The following RUSF1 variants were observed in gnomAD, a reference collection of about 807,000 sequenced individuals.
RUSF1 encodes RUS family member 1.
In RUSF1, 58 loss-of-function variants were observed where a neutral mutation model predicts 63.0. The observed-to-expected ratio is 0.92, with a 90% CI of 0.75 to 1.15. The LOEUF is 1.15. Ranked by LOEUF, RUSF1 falls within the 50% of genes most tolerant of loss-of-function variation. RUSF1 has a pLI of 0.00. For missense variants in RUSF1, 652 were observed against 611.0 expected (o/e 1.07, Z -0.71); for synonymous variants, 274 against 255.8 (o/e 1.07, Z -0.68).
intron 2 of RUSF1, among the ~76,000 whole-genome samples, chr16:31,505,724 A>G (rs1034956364): frequency 1.3e-5 from 2 of 152,228 alleles, no homozygotes; most frequent in Admixed American, 6.5e-5. Flanking sequence ...GACTTCTAAG[A>G]TAGAAACCAC....
intron 2 of RUSF1, among the ~76,000 whole-genome samples, chr16:31,502,877 G>A (rs969559686): frequency 1.3e-5 from 2 of 152,244 alleles, no homozygotes; most frequent in Admixed American, 1.3e-4. Context: ...TGATCCACCC[G>A]CCTCGGCCTT....
chr16:31,491,062 A>ATAC, intron 12 of RUSF1, 130 bp from the exon 13 acceptor site: 3 of 792,906 alleles, frequency 3.8e-6, no homozygotes, highest in Non-Finnish European at 6.1e-6. Context: ...GCATAAAATG[A>ATAC]GGCTGAAACC....
chr16:31,493,448 G>A lies in RUSF1; in HGVS notation c.1016+19C>T, dbSNP rs1314249130. Reference sequence around the variant, plus strand: ...TGTGGGTGGCGGTGGTGACGAGCGGGAGACGCTAGGCCACTCACCTGGAGA... The same window carrying A: ...TGTGGGTGGCGGTGGTGACGAGCGGAAGACGCTAGGCCACTCACCTGGAGA... On this transcript the variant is annotated intron_variant, in intron 9 of 12. Coordinates refer to ENST00000327237, the MANE Select transcript of RUSF1 (RefSeq NM_022744.4). 2.5e-6 allele frequency: 4 copies of A among 1,586,322 alleles called. No individual in the cohort carries two copies. The highest frequency in any genetic ancestry group is 1.4e-5 in the African/African-American group (1 of 73,960).
Position 31,492,993 on chromosome 16 carries a change from A to C in RUSF1, c.1072T>G (p.Trp358Gly), listed in dbSNP as rs1190452278. 3 of 1,612,812 alleles carry C rather than the reference A, an allele frequency of 1.9e-6. No individual in the cohort carries two copies. The highest frequency in any genetic ancestry group is 1.7e-5 in the Admixed American group (1 of 59,972). The change falls in exon 10 of 13, where the codon TGG becomes GGG. Residue 358 changes from tryptophan to glycine, a missense_variant. Trp to Gly is a radical substitution (Grantham distance 184). Coordinates refer to ENST00000327237, the MANE Select transcript of RUSF1 (RefSeq NM_022744.4). ...GCACACTCACTTTGTGACTGGTCCC[A>C]GCAGAGGAGGTAGGATTCTTGGTGC... ...EGHQESYLLC[W>G]DQSQNQVQVV...
intron 11 of RUSF1, 51 bp downstream of exon 11, chr16:31,492,146 T>G (rs1379400754): frequency 6.2e-7 from 1 of 1,612,246 alleles, no homozygotes; most frequent in South Asian, 1.1e-5. Context: ...GAGTTTGTCC[T>G]CTCTCCTCCC....
chr16:31,501,338 G>C (rs2082631874), intron 2 of RUSF1, among the ~76,000 whole-genome samples: 1 of 152,072 alleles, frequency 6.6e-6, no homozygotes. Context: ...TATAATCCCA[G>C]CACTTTGGGA....
chr16:31,489,643 C>T lies in RUSF1; in HGVS notation c.*1192G>A, dbSNP rs2082542148. ...GGCACAATACCATCTTGAACGCCCACAAAAAGGTTTGGTTTTGTTGCCAAA... is the reference window on the plus strand; with the variant it reads ...GGCACAATACCATCTTGAACGCCCATAAAAAGGTTTGGTTTTGTTGCCAAA... On this transcript the variant is annotated 3_prime_UTR_variant, in exon 13 of 13. Coordinates refer to ENST00000327237, the MANE Select transcript of RUSF1 (RefSeq NM_022744.4). 5.6e-6 allele frequency: 3 copies of T among 532,944 alleles called. No homozygotes were observed. Among genetic ancestry groups the T allele is most frequent in the Admixed American group, 6.3e-5 (2 of 31,712 alleles). The allele number at this position is 532,944 out of a possible 1,614,324, so 33.0% of individuals were successfully genotyped here.
At position 31,507,976 on chromosome 16, in the gene RUSF1, A is replaced by AC. The variant is rs2082669894; in HGVS notation, c.300+97dup. 3.9e-6 allele frequency: 6 copies of AC among 1,534,940 alleles called. No homozygotes were observed. In the Admixed American group the frequency reaches 6.1e-5, roughly 16 times the overall value. On this transcript the variant is annotated intron_variant, in intron 1 of 12. Transcript: ENST00000327237. ...GTTCTTGGTGTATGAGGCATGTCAGACCCCCCGCCCCCCGGGCTCCGAGTC... is the reference window on the plus strand; with the variant it reads ...GTTCTTGGTGTATGAGGCATGTCAGACCCCCCCGCCCCCCGGGCTCCGAGTC...
chr16:31,505,201 G>C (rs2082652516), intron 2 of RUSF1, among the ~76,000 whole-genome samples: 1 of 152,208 alleles, frequency 6.6e-6, no homozygotes, highest in Non-Finnish European at 1.5e-5. Context: ...TCTGGGTGGA[G>C]AGAAGCATAA....
chr16:31,504,668 A>C (rs1306175082), intron 2 of RUSF1, among the ~76,000 whole-genome samples: 1 of 152,250 alleles, frequency 6.6e-6, no homozygotes, highest in African/African-American at 2.4e-5. Context: ...CAGTAGAAAC[A>C]GCCGATGGTG....
In RUSF1 at chr16:31,490,529, T is replaced by A; in HGVS notation, c.*306A>T. The A allele has an allele frequency of 6.2e-7, 1 of 1,610,598 alleles. No homozygotes were observed. The highest frequency in any genetic ancestry group is 1.1e-5 in the South Asian group (1 of 90,386). ...TGGCCGTGTTCCTCTGGGGCTTCTA[T>A]GCCTAAGACCAACTGCGTTGGACAC... is the stretch of plus-strand genomic sequence containing the variant. On this transcript the variant is annotated 3_prime_UTR_variant, in exon 13 of 13. Transcript: ENST00000327237.
At chr16:31,503,095 G>A (rs556397931) in intron 2 of RUSF1, among the ~76,000 whole-genome samples, 1 of 152,314 alleles carries the variant, frequency 6.6e-6, no homozygotes, top group South Asian at 2.1e-4. Flanking sequence ...AGTCACTACT[G>A]TCCACTAGAA....
At chr16:31,501,638 A>C (rs2082633595) in intron 2 of RUSF1, among the ~76,000 whole-genome samples, 3 of 151,788 alleles carry the variant, frequency 2.0e-5, no homozygotes, top group African/African-American at 7.3e-5. Context: ...CTGGGGTTGC[A>C]CGGCAGAGGG....
Position 31,490,804 on chromosome 16 carries a change from T to C in RUSF1, c.*31A>G, listed in dbSNP as rs1323824410. 6.2e-7 allele frequency: 1 copy of C among 1,609,598 alleles called. No homozygotes were observed. Among genetic ancestry groups the C allele is most frequent in the South Asian group, 1.1e-5 (1 of 90,984 alleles). ...CCAAAGTGTCCTTGCTCCAGGTTCC[T>C]GCCCTGGGCTTGGGCCTCCGTCTGG... On this transcript the variant is annotated 3_prime_UTR_variant, in exon 13 of 13. Transcript: ENST00000327237.
At position 31,492,201 on chromosome 16, in the gene RUSF1, C is replaced by T. The variant is rs779582120; in HGVS notation, c.1227G>A (p.Arg409=). ...AELEELRNRV[R]AGPKKESWVV... ...TCTAAATCTTGAGGCACTTACCTGCCCGCACCCGGTTCCTCAGCTCCTCCA... is the reference window on the plus strand; with the variant it reads ...TCTAAATCTTGAGGCACTTACCTGCTCGCACCCGGTTCCTCAGCTCCTCCA... The change falls in exon 11 of 13, where the codon CGG becomes CGA. Residue 409 remains arginine (R), a synonymous_variant. Coordinates refer to ENST00000327237, the MANE Select transcript of RUSF1 (RefSeq NM_022744.4). 3.7e-6 allele frequency: 6 copies of T among 1,610,206 alleles called. No individual in the cohort carries two copies. The highest frequency in any genetic ancestry group is 5.1e-6 in the Non-Finnish European group (6 of 1,177,610).
At position 31,502,404 on chromosome 16, in the gene RUSF1, T is replaced by C. The variant is rs538097247; in HGVS notation, c.416-1673A>G. On this transcript the variant is annotated intron_variant, in intron 2 of 12. Coordinates refer to ENST00000327237, the MANE Select transcript of RUSF1 (RefSeq NM_022744.4). ...TAAGCGCTCCAGTGCACACCTGAAA[T>C]ACCTGTGCTTTTTCATCTTCACAAT... Among the ~76,000 whole-genome samples the C allele has an allele frequency of 5.9e-5, 9 of 152,314 alleles. No individual in the cohort carries two copies. The South Asian group carries it at 1.9e-3, about 32-fold the overall frequency.
rs963980659 is a variant in RUSF1, at chr16:31,503,690, G to T, written c.416-2959C>A. 2.0e-5 allele frequency among the ~76,000 whole-genome samples: 3 copies of T among 152,260 alleles called. No homozygotes were observed. In the East Asian group the frequency reaches 5.8e-4, roughly 29 times the overall value. On this transcript the variant is annotated intron_variant, in intron 2 of 12. Transcript: ENST00000327237. ...TTATTTATTTATTTTTTTAGATGGA[G>T]TTTCACTCGTTGCCCAGGCTGGAGT... is the stretch of plus-strand genomic sequence containing the variant.
In RUSF1 at chr16:31,508,272, C is replaced by G; in HGVS notation, c.102G>C (p.Trp34Cys). 6.4e-7 allele frequency: 1 copy of G among 1,570,780 alleles called. No homozygotes were observed. Among genetic ancestry groups the G allele is most frequent in the South Asian group, 1.2e-5 (1 of 85,918 alleles). The change falls in exon 1 of 13, where the codon TGG becomes TGC. Residue 34 changes from tryptophan (W) to cysteine (C), a missense_variant. Transcript: ENST00000327237. Reference sequence around the variant, plus strand: ...CCCACCAGCGCCAGCCCCCGACCTCCCACTGCAGGCTCCCGTCCGCGGCGG... The same window carrying G: ...CCCACCAGCGCCAGCCCCCGACCTCGCACTGCAGGCTCCCGTCCGCGGCGG... ...CRAAADGSLQ[W>C]EVGGWRWWGL...
Position 31,489,488 on chromosome 16 carries a change from A to T in RUSF1, c.*1347T>A. 1 of 712,820 alleles carries T rather than the reference A, an allele frequency of 1.4e-6. No individual in the cohort carries two copies. Among genetic ancestry groups the T allele is most frequent in the East Asian group, 2.7e-5 (1 of 36,862 alleles). 44.2% of individuals were successfully genotyped at this position (712,820 alleles called of 1,614,324 possible). On this transcript the variant is annotated 3_prime_UTR_variant, in exon 13 of 13. Transcript: ENST00000327237. ...CTGCAGTTGCAATTGCCGAGCAAGA[A>T]TTTTTATTTAAATACATTTATTTGA...
Sources: gnomAD v4.1 joint callset for allele counts (sites outside exome capture counted in the v4.1 genomes callset) on GRCh38, gnomAD v4.1.1 for gene constraint, MANE v1.5 for transcripts, NCBI Gene and HGNC (gene_info 2026-07-23, HGNC 2026-07-21) for gene names.